Variants in RBM6 observed in about 807,000 individuals in gnomAD.
The protein encoded by RBM6 is RNA-binding protein 6.
In RBM6, 23 loss-of-function variants were observed where a neutral mutation model predicts 140.4. That is an observed-to-expected ratio of 0.16 (90% CI 0.12 to 0.23). The LOEUF is 0.23. Among genes scored for constraint, RBM6 ranks in the 10% least tolerant of loss-of-function variants. The probability of loss-of-function intolerance (pLI) is 1.00; values close to 1 mark genes in which losing one functional copy is unlikely to be tolerated. For missense variants in RBM6, 1,139 were observed against 1,386.7 expected (o/e 0.82, Z 2.84); for synonymous variants, 439 against 475.6 (o/e 0.92, Z 1.00).
chr3:50,006,511 G>A (rs937388538), intron 6 of RBM6, among the ~76,000 whole-genome samples: 14 of 152,102 alleles, frequency 9.2e-5, no homozygotes, highest in African/African-American at 2.4e-4. Flanking sequence ...GCAGACTACC[G>A]GGGGTTGCAT....
chr3:49,986,536 A>G (rs1385046604), intron 5 of RBM6, among the ~76,000 whole-genome samples: 5 of 149,316 alleles, frequency 3.3e-5, no homozygotes, highest in African/African-American at 4.9e-5. Context: ...CAGAGCTTGC[A>G]GTGAGCCGAG....
At chr3:49,947,191 G>A (rs1305725818) in intron 1 of RBM6, among the ~76,000 whole-genome samples, 1 of 144,826 alleles carries the variant, frequency 6.9e-6, no homozygotes, top group Non-Finnish European at 1.5e-5. Flanking sequence ...GGCAGAGCTC[G>A]CAGTGAGCAG....
chr3:49,979,334 A>T (rs1197828377), intron 5 of RBM6, among the ~76,000 whole-genome samples: 5 of 152,104 alleles, frequency 3.3e-5, no homozygotes, highest in African/African-American at 7.2e-5. Flanking sequence ...GTGTTCTGGA[A>T]CTAGGTAGTA....
chr3:50,056,301 C>CTT (rs1020071256), intron 8 of RBM6, among the ~76,000 whole-genome samples: 1 of 144,912 alleles, frequency 6.9e-6, no homozygotes. Context: ...TGTTTTTTTT[C>CTT]TTTTTTTTTT....
intron 6 of RBM6, among the ~76,000 whole-genome samples, chr3:50,027,049 G>A (rs762524029): frequency 4.6e-5 from 7 of 152,072 alleles, no homozygotes; most frequent in Non-Finnish European, 7.3e-5. Flanking sequence ...CCCTTCTGGA[G>A]TCCTCCAATT....
At chr3:49,958,203 A>G (rs569967513) in intron 1 of RBM6, among the ~76,000 whole-genome samples, 5 of 152,148 alleles carry the variant, frequency 3.3e-5, no homozygotes, top group African/African-American at 1.2e-4. Context: ...AGGCGGGCGG[A>G]TCACGAGGTC....
At chr3:50,020,114 A>C in intron 6 of RBM6, among the ~76,000 whole-genome samples, 1 of 151,922 alleles carries the variant, frequency 6.6e-6, no homozygotes, top group East Asian at 1.9e-4. Context: ...GTAAAGATGA[A>C]GTCTCTCTAT....
rs1491502435 is a variant in RBM6, at chr3:50,061,559, GCT to G, written c.2439+13_2439+14del. On this transcript the variant is annotated intron_variant, in intron 14 of 20. Transcript: ENST00000266022. ...ACCCCAATACCCAGGTGAGTTTGGG[GCT>G]TTTTTTTTTTTTTTTTTTTTTTTAC... 7.0e-6 allele frequency: 10 copies of G among 1,421,150 alleles called. No homozygotes were observed. Among genetic ancestry groups the G allele is most frequent in the East Asian group, 5.5e-5 (2 of 36,236 alleles). 88.0% of individuals were successfully genotyped at this position (1,421,150 alleles called of 1,614,324 possible). A position where few individuals can be genotyped will look rare whatever the true frequency, so the allele number is the denominator to read the frequency against.
chr3:49,974,369 G>A (rs1388881985), intron 4 of RBM6, among the ~76,000 whole-genome samples: 1 of 151,130 alleles, frequency 6.6e-6, no homozygotes, highest in East Asian at 2.0e-4. Flanking sequence ...AGTACTCCTG[G>A]CTAATTTTTT....
chr3:50,061,280 T>C (rs77854586), intron 13 of RBM6, 59 bp downstream of exon 13: 11 of 1,610,642 alleles, frequency 6.8e-6, no homozygotes, highest in African/African-American at 2.7e-5. Context: ...TACTCATTAC[T>C]TGACATCTGT....
chr3:50,003,280 G>A (rs2086424391), intron 6 of RBM6, among the ~76,000 whole-genome samples: 1 of 147,272 alleles, frequency 6.8e-6, no homozygotes, highest in South Asian at 2.2e-4. Context: ...AATGAGCATG[G>A]GGTAAATAGT....
chr3:50,068,918 A>T (rs1471628382), intron 18 of RBM6, among the ~76,000 whole-genome samples, 154 bp downstream of exon 18: 1 of 152,234 alleles, frequency 6.6e-6, no homozygotes, highest in Non-Finnish European at 1.5e-5. Flanking sequence ...ATATAATACA[A>T]TCAAAATAGG....
At chr3:49,991,128 A>C (rs1040452207) in intron 5 of RBM6, among the ~76,000 whole-genome samples, 1 of 152,222 alleles carries the variant, frequency 6.6e-6, no homozygotes, top group African/African-American at 2.4e-5. Context: ...CAAAAAACTC[A>C]GAGAAATACT....
chr3:50,070,562 G>T lies in RBM6; in HGVS notation c.3116+10G>T. On this transcript the variant is annotated intron_variant, in intron 19 of 20. Transcript: ENST00000266022. The stretch of plus-strand genomic sequence containing the variant: ...CCAGGGAAACTGACAGGTAAGCCAG[G>T]AACTCTTCATTCAGCCTAGGCCTCA... The T allele has an allele frequency of 6.2e-7, 1 of 1,600,452 alleles. No individual in the cohort carries two copies. The highest frequency in any genetic ancestry group is 8.6e-7 in the Non-Finnish European group (1 of 1,167,860).
chr3:49,946,245 CT>C (rs113679247), intron 1 of RBM6, among the ~76,000 whole-genome samples: 245 of 145,752 alleles, frequency 1.7e-3, no homozygotes, highest in Middle Eastern at 7.1e-3. Flanking sequence ...TATTTTCTTT[CT>C]TTTTTTTTTT....
intron 1 of RBM6, among the ~76,000 whole-genome samples, chr3:49,960,847 T>C (rs1242986794): frequency 2.6e-5 from 4 of 151,946 alleles, no homozygotes; most frequent in African/African-American, 9.7e-5. Flanking sequence ...AGTAAATACT[T>C]ACTTCATGTA....
At chr3:50,018,322 C>G (rs1037517445) in intron 6 of RBM6, among the ~76,000 whole-genome samples, 1 of 152,250 alleles carries the variant, frequency 6.6e-6, no homozygotes, top group South Asian at 2.1e-4. Context: ...GTACATTTCT[C>G]TATGTAGTCT....
intron 6 of RBM6, among the ~76,000 whole-genome samples, chr3:50,035,411 G>A (rs865860309): frequency 1.3e-5 from 2 of 152,000 alleles, no homozygotes; most frequent in Admixed American, 1.3e-4. Context: ...GACAGGGTGC[G>A]GTGGCTCACA....
chr3:50,000,663 C>T (rs1004903312), intron 6 of RBM6, among the ~76,000 whole-genome samples: 1 of 152,134 alleles, frequency 6.6e-6, no homozygotes, highest in African/African-American at 2.4e-5. Context: ...AGGTGATCTG[C>T]CTGCCTCGGC....
Sources: allele counts gnomAD v4.1 joint callset (sites outside exome capture counted in the v4.1 genomes callset), GRCh38; gene constraint gnomAD v4.1.1; transcripts MANE v1.5; gene names NCBI Gene and HGNC (gene_info 2026-07-23, HGNC 2026-07-21).